Variants in NEGR1 observed in about 807,000 individuals in gnomAD.
NEGR1 encodes the protein neuronal growth regulator 1.
In NEGR1, 10 loss-of-function variants were observed where a neutral mutation model predicts 40.9. The ratio of observed to expected loss-of-function variants is 0.24; its 90% CI spans 0.15 to 0.42. NEGR1 has a LOEUF of 0.42. Ranked by LOEUF, NEGR1 falls within the 10% of genes least tolerant of loss-of-function variation. The pLI is 1.00. For missense variants in NEGR1, 352 were observed against 438.9 expected (o/e 0.80, Z 1.77); for synonymous variants, 185 against 166.8 (o/e 1.11, Z -0.84).
intron 3 of NEGR1, among the ~76,000 whole-genome samples, chr1:71,754,543 C>G (rs1210085922): frequency 2.0e-5 from 3 of 152,084 alleles, no homozygotes; most frequent in East Asian, 1.9e-4. Context: ...ATACTATTCT[C>G]TCTCTTAGAA....
chr1:71,904,434 A>T (rs567849736), intron 2 of NEGR1, among the ~76,000 whole-genome samples: 1 of 152,244 alleles, frequency 6.6e-6, no homozygotes, highest in African/African-American at 2.4e-5. Flanking sequence ...AATGAAAGAT[A>T]ATATAATTTC....
At chr1:72,110,593 T>C (rs1171064177) in intron 1 of NEGR1, among the ~76,000 whole-genome samples, 2 of 151,624 alleles carry the variant, frequency 1.3e-5, no homozygotes, top group Non-Finnish European at 3.0e-5. Context: ...AAAAATACTA[T>C]AAACCCGAAA....
At chr1:71,670,049 C>A (rs1235145063) in intron 4 of NEGR1, among the ~76,000 whole-genome samples, 1 of 152,084 alleles carries the variant, frequency 6.6e-6, no homozygotes, top group Non-Finnish European at 1.5e-5. Context: ...CATTATTCTT[C>A]ATTCTTTCCT....
chr1:71,610,398 C>T (rs1310260704), intron 5 of NEGR1, among the ~76,000 whole-genome samples: 1 of 152,124 alleles, frequency 6.6e-6, no homozygotes, highest in African/African-American at 2.4e-5. Context: ...AGAAAGTTGT[C>T]AAGTCCTGTC....
chr1:71,721,544 T>C (rs760092960), intron 3 of NEGR1, among the ~76,000 whole-genome samples: 1 of 152,168 alleles, frequency 6.6e-6, no homozygotes, highest in Non-Finnish European at 1.5e-5. Context: ...CAGGGGGAAG[T>C]AAAATAGAGC....
At chr1:71,739,225 A>C (rs553718244) in intron 3 of NEGR1, among the ~76,000 whole-genome samples, 32 of 151,452 alleles carry the variant, frequency 2.1e-4, no homozygotes, top group East Asian at 1.4e-3. Flanking sequence ...AAACAAAAAA[A>C]AAAAACGTGA....
At chr1:71,994,570 A>G (rs1646486946) in intron 1 of NEGR1, among the ~76,000 whole-genome samples, 1 of 151,830 alleles carries the variant, frequency 6.6e-6, no homozygotes, top group Admixed American at 6.6e-5. Context: ...CACTCATCAC[A>G]AAAATTTAAA....
intron 2 of NEGR1, among the ~76,000 whole-genome samples, chr1:71,813,196 C>A (rs1658067049): frequency 6.6e-6 from 1 of 152,068 alleles, no homozygotes; most frequent in Admixed American, 6.6e-5. Flanking sequence ...AGAATCCTTT[C>A]CCCATTGCTT....
At chr1:71,921,106 A>T (rs1645712799) in intron 2 of NEGR1, among the ~76,000 whole-genome samples, 1 of 152,192 alleles carries the variant, frequency 6.6e-6, no homozygotes, top group Non-Finnish European at 1.5e-5. Flanking sequence ...TTAGTTTAAT[A>T]AATCTGAGAT....
rs116398632 is a variant in NEGR1, at chr1:71,654,911, G to A, written c.667+43097C>T. 6.0e-3 allele frequency among the ~76,000 whole-genome samples: 909 copies of A among 152,110 alleles called. 15 individuals are homozygous for A. Among genetic ancestry groups the A allele is most frequent in the African/African-American group, 0.02 (843 of 41,504 alleles). The stretch of plus-strand genomic sequence containing the variant: ...AAAAAAAGTTCCCTGGATAAATAGT[G>A]ATTAAAAAGGCAACACATTTTGTAT... On this transcript the variant is annotated intron_variant, in intron 4 of 6. Coordinates refer to ENST00000357731, the MANE Select transcript of NEGR1 (RefSeq NM_173808.3).
intron 6 of NEGR1, among the ~76,000 whole-genome samples, chr1:71,474,318 G>A (rs1646804264): frequency 7.5e-6 from 1 of 133,172 alleles, no homozygotes; most frequent in South Asian, 2.6e-4. Flanking sequence ...TGATTAAAAC[G>A]GCAAAATATA....
At chr1:72,109,638 T>C (rs1173334030) in intron 1 of NEGR1, among the ~76,000 whole-genome samples, 1 of 151,676 alleles carries the variant, frequency 6.6e-6, no homozygotes, top group Non-Finnish European at 1.5e-5. Flanking sequence ...GTGTTCTTAG[T>C]ATGAAGGCAG....
chr1:71,651,838 T>C (rs977326404), intron 4 of NEGR1, among the ~76,000 whole-genome samples: 4 of 152,178 alleles, frequency 2.6e-5, no homozygotes, highest in Non-Finnish European at 5.9e-5. Flanking sequence ...TCATACGTTA[T>C]TGAATCCTTA....
chr1:71,911,270 T>C (rs943563194), intron 2 of NEGR1, among the ~76,000 whole-genome samples: 10 of 152,152 alleles, frequency 6.6e-5, no homozygotes, highest in African/African-American at 2.2e-4. Context: ...TAAAGCAATA[T>C]GTAAGAGTTT....
At chr1:71,462,969 T>C (rs1646723710) in intron 6 of NEGR1, among the ~76,000 whole-genome samples, 1 of 152,144 alleles carries the variant, frequency 6.6e-6, no homozygotes, top group Admixed American at 6.6e-5. Context: ...GGGTATGCTG[T>C]AAGAACCTGG....
intron 1 of NEGR1, among the ~76,000 whole-genome samples, chr1:72,240,799 G>A (rs575499860): frequency 6.6e-6 from 1 of 151,928 alleles, no homozygotes; most frequent in African/African-American, 2.4e-5. Context: ...TTTCCAACAT[G>A]ACCATGCTCC....
intron 6 of NEGR1, among the ~76,000 whole-genome samples, chr1:71,542,803 A>T (rs546582720): frequency 6.6e-6 from 1 of 151,848 alleles, no homozygotes; most frequent in East Asian, 2.0e-4. Context: ...TAACTCCATG[A>T]TGCAATGAGA....
intron 1 of NEGR1, among the ~76,000 whole-genome samples, chr1:72,195,002 G>C (rs1652952009): frequency 6.6e-6 from 1 of 151,964 alleles, no homozygotes; most frequent in Non-Finnish European, 1.5e-5. Flanking sequence ...ATGAAAGAAG[G>C]CTTCTCCCTC....
intron 2 of NEGR1, among the ~76,000 whole-genome samples, chr1:71,882,202 T>G (rs534018333): frequency 6.6e-6 from 1 of 152,260 alleles, no homozygotes; most frequent in South Asian, 2.1e-4. Context: ...AGGTGCAATT[T>G]AAATTTGTTG....
Sources: gnomAD v4.1 joint callset for allele counts (sites outside exome capture counted in the v4.1 genomes callset) on GRCh38, gnomAD v4.1.1 for gene constraint, MANE v1.5 for transcripts, NCBI Gene and HGNC (gene_info 2026-07-23, HGNC 2026-07-21) for gene names.